The following ABTB3 variants were observed in gnomAD, a reference collection of about 807,000 sequenced individuals.
ABTB3 encodes the protein ankyrin repeat- and BTB/POZ domain-containing protein 3.
chr12:107,581,011 G>A, the ABTB3 span: 1 of 1,552,214 alleles, frequency 6.4e-7, no homozygotes, highest in Non-Finnish European at 8.7e-7. Context: ...TTCAGAGGCA[G>A]GGTCTCCAGG....
the ABTB3 span, chr12:107,617,334 G>A: frequency 7.0e-5 from 113 of 1,614,126 alleles, no homozygotes; most frequent in East Asian, 8.0e-4. Context: ...CTGTTGGAGC[G>A]TGGTGCCGAT....
chr12:107,398,181 C>T, the ABTB3 span, among the ~76,000 whole-genome samples: 3 of 152,144 alleles, frequency 2.0e-5, no homozygotes, highest in Admixed American at 6.5e-5. Context: ...GGTGGGCTCC[C>T]ACCGAGAACA....
chr12:107,416,216 A>G, the ABTB3 span, among the ~76,000 whole-genome samples: 1 of 152,336 alleles, frequency 6.6e-6, no homozygotes, highest in South Asian at 2.1e-4. Flanking sequence ...AGGCTCTTCC[A>G]TATTTCCTTC....
chr12:107,567,623 G>C, the ABTB3 span, among the ~76,000 whole-genome samples: 1 of 152,164 alleles, frequency 6.6e-6, no homozygotes, highest in African/African-American at 2.4e-5. Flanking sequence ...GACCAGTACT[G>C]TTCCATGGCC....
the ABTB3 span, among the ~76,000 whole-genome samples, chr12:107,380,108 C>T: frequency 6.6e-6 from 1 of 152,216 alleles, no homozygotes; most frequent in African/African-American, 2.4e-5. Flanking sequence ...GGGTGCAGTA[C>T]AGCAGTAGAG....
chr12:107,567,575 A>G, the ABTB3 span, among the ~76,000 whole-genome samples: 3 of 152,160 alleles, frequency 2.0e-5, no homozygotes, highest in African/African-American at 7.2e-5. Context: ...CTAGGTGTGT[A>G]GTAGGCTACA....
chr12:107,342,861 C>T, the ABTB3 span, among the ~76,000 whole-genome samples: 1 of 152,154 alleles, frequency 6.6e-6, no homozygotes, highest in African/African-American at 2.4e-5. Context: ...CTTTGAACCC[C>T]CGTAGGCTTT....
At chr12:107,336,793 C>G in the ABTB3 span, among the ~76,000 whole-genome samples, 1 of 152,204 alleles carries the variant, frequency 6.6e-6, no homozygotes, top group Non-Finnish European at 1.5e-5. Context: ...AGATATTTGT[C>G]TGTTTTATTC....
At chr12:107,416,209 C>G in the ABTB3 span, among the ~76,000 whole-genome samples, 1 of 152,156 alleles carries the variant, frequency 6.6e-6, no homozygotes, top group East Asian at 1.9e-4. Flanking sequence ...AGAAAGGAGG[C>G]TCTTCCATAT....
At chr12:107,377,832 CAGT>C in the ABTB3 span, among the ~76,000 whole-genome samples, 1 of 152,146 alleles carries the variant, frequency 6.6e-6, no homozygotes, top group Non-Finnish European at 1.5e-5. Flanking sequence ...GTAATAAAGG[CAGT>C]AGGATGTGGC....
the ABTB3 span, among the ~76,000 whole-genome samples, chr12:107,367,803 C>CCT: frequency 7.9e-5 from 12 of 151,944 alleles, 1 homozygote; most frequent in South Asian, 1.5e-3. Context: ...CCACTCCCGG[C>CCT]CTCTCTCTCT....
At chr12:107,635,453 G>T in the ABTB3 span, 1,094 of 1,503,926 alleles carry the variant, frequency 7.3e-4, 6 homozygotes, top group African/African-American at 0.013. Flanking sequence ...AGGAGCCAAA[G>T]AATGCCATAA....
the ABTB3 span, among the ~76,000 whole-genome samples, chr12:107,560,360 G>A: frequency 5.4e-4 from 82 of 152,308 alleles, 1 homozygote; most frequent in East Asian, 0.015. Flanking sequence ...TGGCCTGTAG[G>A]AGGAAGAAAC....
chr12:107,356,112 A>G, the ABTB3 span, among the ~76,000 whole-genome samples: 14 of 152,322 alleles, frequency 9.2e-5, no homozygotes, highest in East Asian at 2.7e-3. Context: ...TCATCCATAT[A>G]CCACCTAAGA....
chr12:107,581,187 T>C, the ABTB3 span: 1 of 1,510,168 alleles, frequency 6.6e-7, no homozygotes, highest in Non-Finnish European at 8.9e-7. Flanking sequence ...ATGGAGTGGA[T>C]CCGGGTGGCC....
chr12:107,657,561 A>C, the ABTB3 span: 3 of 1,614,208 alleles, frequency 1.9e-6, no homozygotes, highest in Non-Finnish European at 2.5e-6. Context: ...TTTCTCAAAA[A>C]CATGATGGTC....
At chr12:107,631,883 C>G in the ABTB3 span, among the ~76,000 whole-genome samples, 1 of 152,208 alleles carries the variant, frequency 6.6e-6, no homozygotes, top group Non-Finnish European at 1.5e-5. Flanking sequence ...TCGAGTTTCT[C>G]TACTGTAAAC....
the ABTB3 span, among the ~76,000 whole-genome samples, chr12:107,524,454 C>T: frequency 6.6e-6 from 1 of 152,148 alleles, no homozygotes; most frequent in Non-Finnish European, 1.5e-5. Flanking sequence ...GGAGTTTGTT[C>T]TCAGTCATTC....
At chr12:107,617,390 C>G in the ABTB3 span, 1 of 1,614,180 alleles carries the variant, frequency 6.2e-7, no homozygotes, top group Non-Finnish European at 8.5e-7. Context: ...TACAACCCCC[C>G]AGGGTGATAT....
Sources: gnomAD v4.1 joint callset for allele counts (sites outside exome capture counted in the v4.1 genomes callset) on GRCh38, gnomAD v4.1.1 for gene constraint, MANE v1.5 for transcripts, NCBI Gene and HGNC (gene_info 2026-07-23, HGNC 2026-07-21) for gene names.